FBXL7: variants seen among roughly 807,000 people sequenced by gnomAD.
The protein encoded by FBXL7 is F-box and leucine rich repeat protein 7, also known as F-box/LRR-repeat protein 7.
FBXL7 carries 12 observed loss-of-function variants against 38.3 expected under a neutral mutation model. The ratio of observed to expected loss-of-function variants is 0.31; its 90% CI spans 0.20 to 0.51. The LOEUF is 0.51. FBXL7 is among the 20% of genes least tolerant of loss of function. FBXL7 has a pLI of 0.98. For synonymous variants in FBXL7, 297 were observed against 300.9 expected (o/e 0.99, Z 0.13); for missense variants, 567 against 676.4 (o/e 0.84, Z 1.79).
intron 2 of FBXL7, among the ~76,000 whole-genome samples, chr5:15,921,430 A>G (rs539400450): frequency 8.4e-4 from 127 of 151,556 alleles, no homozygotes; most frequent in Non-Finnish European, 1.5e-3. Context: ...TGCAGATTTT[A>G]TAATTTTTAC....
chr5:15,629,549 C>T (rs1481136702), intron 2 of FBXL7, among the ~76,000 whole-genome samples: 2 of 152,138 alleles, frequency 1.3e-5, no homozygotes, highest in Non-Finnish European at 2.9e-5. Context: ...ACCAGACCTG[C>T]AAATATGCCC....
chr5:15,888,093 A>T (rs1039257944), intron 2 of FBXL7, among the ~76,000 whole-genome samples: 3 of 152,212 alleles, frequency 2.0e-5, no homozygotes, highest in Admixed American at 6.5e-5. Flanking sequence ...CTTTTATAGT[A>T]ACTAATTCAT....
intron 2 of FBXL7, among the ~76,000 whole-genome samples, chr5:15,668,360 ATTTGTG>A (rs1386124733): frequency 4.3e-5 from 6 of 140,176 alleles, no homozygotes; most frequent in South Asian, 4.6e-4. Flanking sequence ...ACTCCTTTAT[ATTTGTG>A]TTTGTGTGTG....
At chr5:15,714,372 C>T (rs1001833730) in intron 2 of FBXL7, among the ~76,000 whole-genome samples, 2 of 152,234 alleles carry the variant, frequency 1.3e-5, no homozygotes, top group Admixed American at 6.5e-5. Context: ...GAGGCCTCCA[C>T]AGGCATGCTT....
intron 1 of FBXL7, among the ~76,000 whole-genome samples, chr5:15,573,728 A>G (rs59903614): frequency 2.2e-3 from 332 of 152,332 alleles, no homozygotes; most frequent in African/African-American, 7.4e-3. Flanking sequence ...GCTTCAGCCA[A>G]TCAGTACTCA....
chr5:15,572,065 A>G (rs1306136956), intron 1 of FBXL7, among the ~76,000 whole-genome samples: 4 of 152,136 alleles, frequency 2.6e-5, no homozygotes, highest in Non-Finnish European at 4.4e-5. Context: ...AAAGACATCC[A>G]CTGGGCTTAA....
chr5:15,683,238 A>G (rs1742908092), intron 2 of FBXL7, among the ~76,000 whole-genome samples: 2 of 152,138 alleles, frequency 1.3e-5, no homozygotes, highest in Admixed American at 1.3e-4. Flanking sequence ...GTTTATTGTT[A>G]TTTTTAATTA....
At chr5:15,722,855 G>A (rs1009279985) in intron 2 of FBXL7, among the ~76,000 whole-genome samples, 9 of 150,888 alleles carry the variant, frequency 6.0e-5, no homozygotes, top group African/African-American at 1.7e-4. Context: ...CCCGGGAAGC[G>A]AAGGTTGCAG....
intron 2 of FBXL7, among the ~76,000 whole-genome samples, chr5:15,626,857 T>A (rs889187166): frequency 2.6e-5 from 4 of 152,306 alleles, no homozygotes; most frequent in South Asian, 2.1e-4. Context: ...TAATTTTTTT[T>A]ATCAGTAATT....
chr5:15,860,936 C>T (rs138141086), intron 2 of FBXL7, among the ~76,000 whole-genome samples: 81 of 152,294 alleles, frequency 5.3e-4, no homozygotes, highest in African/African-American at 1.9e-3. Flanking sequence ...TATGGTGGAA[C>T]CGCAGTTCTT....
intron 2 of FBXL7, among the ~76,000 whole-genome samples, chr5:15,725,049 C>T (rs1232919423): frequency 1.3e-5 from 2 of 152,184 alleles, no homozygotes; most frequent in Admixed American, 1.3e-4. Context: ...CATTCATATA[C>T]TTGTGACATT....
rs566835436 is a variant in FBXL7, at chr5:15,814,415, T to C, written c.128-113475T>C. 1.7e-4 allele frequency among the ~76,000 whole-genome samples: 26 copies of C among 152,064 alleles called. No homozygotes were observed. The South Asian group carries it at 5.4e-3, about 32-fold the overall frequency. ...ACACAGGGAAGGGAACATCGCACAC[T>C]GGGGCCTGTTGGGGTTGGAGGACTA... On this transcript the variant is annotated intron_variant, in intron 2 of 3. Coordinates refer to ENST00000504595, the MANE Select transcript of FBXL7 (RefSeq NM_012304.5).
intron 2 of FBXL7, among the ~76,000 whole-genome samples, chr5:15,713,142 A>G (rs1474961803): frequency 1.3e-5 from 2 of 152,206 alleles, no homozygotes; most frequent in Non-Finnish European, 2.9e-5. Context: ...TAAGGGATGT[A>G]CAGTTCCACG....
At position 15,546,436 on chromosome 5, in the gene FBXL7, G is replaced by A. The variant is rs182288205; in HGVS notation, c.37+45723G>A. ...ACAAAAGTCAGCCAGGCATGGTGGCGGGCGCCTGTAATCCCAGCTAGTCAG... is the reference window on the plus strand; with the variant it reads ...ACAAAAGTCAGCCAGGCATGGTGGCAGGCGCCTGTAATCCCAGCTAGTCAG... On this transcript the variant is annotated intron_variant, in intron 1 of 3. Coordinates refer to ENST00000504595, the MANE Select transcript of FBXL7 (RefSeq NM_012304.5). Among the ~76,000 whole-genome samples, 960 of 151,816 alleles carry A rather than the reference G, an allele frequency of 6.3e-3. 4 individuals are homozygous for A. Among genetic ancestry groups the A allele is most frequent in the Middle Eastern group, 0.017 (5 of 290 alleles).
chr5:15,879,317 T>C (rs1194622071), intron 2 of FBXL7, among the ~76,000 whole-genome samples: 1 of 152,162 alleles, frequency 6.6e-6, no homozygotes, highest in Non-Finnish European at 1.5e-5. Context: ...TTTCTAATTC[T>C]AAAGCATCCC....
intron 2 of FBXL7, among the ~76,000 whole-genome samples, chr5:15,734,007 T>C (rs1374075451): frequency 6.7e-6 from 1 of 150,170 alleles, no homozygotes; most frequent in Non-Finnish European, 1.5e-5. Context: ...CTCAGGAGAC[T>C]GGGGCAGGAG....
At chr5:15,506,200 C>T (rs1736642773) in intron 1 of FBXL7, among the ~76,000 whole-genome samples, 1 of 151,568 alleles carries the variant, frequency 6.6e-6, no homozygotes, top group Non-Finnish European at 1.5e-5. Context: ...CAGCATCATT[C>T]CTGTCACACT....
chr5:15,792,501 G>A (rs1237769884), intron 2 of FBXL7, among the ~76,000 whole-genome samples: 1 of 152,174 alleles, frequency 6.6e-6, no homozygotes, highest in African/African-American at 2.4e-5. Flanking sequence ...TAATTCATGT[G>A]GGGTGAGGGA....
chr5:15,696,354 T>C (rs529213908), intron 2 of FBXL7, among the ~76,000 whole-genome samples: 3 of 152,354 alleles, frequency 2.0e-5, no homozygotes, highest in African/African-American at 7.2e-5. Flanking sequence ...CACCTTGGCT[T>C]CAGGGAAAGG....
Sources: gnomAD v4.1 joint callset for allele counts (sites outside exome capture counted in the v4.1 genomes callset) on GRCh38, gnomAD v4.1.1 for gene constraint, MANE v1.5 for transcripts, NCBI Gene and HGNC (gene_info 2026-07-23, HGNC 2026-07-21) for gene names.